Variants in THADA observed in about 807,000 individuals in gnomAD.
THADA encodes THADA armadillo repeat containing, also known as tRNA (32-2'-O)-methyltransferase regulator THADA.
In THADA, 213 loss-of-function variants were observed where a neutral mutation model predicts 219.8. The observed-to-expected ratio is 0.97, with a 90% confidence interval of 0.87 to 1.09. THADA has a LOEUF of 1.09. THADA is among the 50% of genes least tolerant of loss of function. The probability of loss-of-function intolerance (pLI) is 0.00; values close to 1 mark genes in which losing one functional copy is unlikely to be tolerated. For synonymous variants in THADA, 1,018 were observed against 828.9 expected (o/e 1.23, Z -3.92); for missense variants, 2,956 against 2,311.3 (o/e 1.28, Z -5.72).
At chr2:43,461,199 G>A (rs767267192) in intron 26 of THADA, among the ~76,000 whole-genome samples, 17 of 152,270 alleles carry the variant, frequency 1.1e-4, no homozygotes, top group Admixed American at 5.2e-4. Context: ...GTCTGGGTCT[G>A]TGCTGAAAAG....
intron 29 of THADA, among the ~76,000 whole-genome samples, chr2:43,395,022 A>G (rs1173232407): frequency 1.3e-5 from 2 of 152,190 alleles, no homozygotes; most frequent in East Asian, 1.9e-4. Flanking sequence ...CCAGACACAG[A>G]GCAAAAGACC....
intron 14 of THADA, among the ~76,000 whole-genome samples, chr2:43,569,909 C>T (rs1046599623): frequency 6.6e-6 from 1 of 152,124 alleles, no homozygotes; most frequent in East Asian, 1.9e-4. Context: ...AACACAATGC[C>T]CTAAAATCCA....
intron 36 of THADA, among the ~76,000 whole-genome samples, chr2:43,248,146 TATATATATATATATATATAGAGAGAG>T (rs1232455352): frequency 1.1e-5 from 1 of 88,484 alleles, no homozygotes; most frequent in African/African-American, 4.2e-5. Flanking sequence ...TATATATATA[TATATATATATATATATATAGAGAGAG>T]AGAGAGAGAG....
chr2:43,358,669 C>T (rs1669144855), intron 29 of THADA, among the ~76,000 whole-genome samples: 1 of 152,176 alleles, frequency 6.6e-6, no homozygotes, highest in African/African-American at 2.4e-5. Flanking sequence ...TCTGGTAATG[C>T]ACGTTACTCT....
Position 43,428,186 on chromosome 2 carries a change from A to G in THADA, c.3972T>C (p.Leu1324=), listed in dbSNP as rs773378985. The stretch of plus-strand genomic sequence containing the variant: ...AAGCGTAGAGTCTCTCCAACACCAA[A>G]AGTAAGAGAAACATGCTTGGATGAC... ...PNRHPSMFLL[L]LVLERLYASP... Residue 1324 remains leucine, a synonymous_variant, in exon 28 of 38, where the codon CTT becomes CTC. Coordinates refer to ENST00000405975, the MANE Select transcript of THADA (RefSeq NM_022065.5). 4.0e-5 allele frequency: 64 copies of G among 1,607,604 alleles called. No individual in the cohort carries two copies. The highest frequency in any genetic ancestry group is 5.0e-5 in the Admixed American group (3 of 59,588).
intron 30 of THADA, among the ~76,000 whole-genome samples, chr2:43,333,704 C>T (rs909992398): frequency 6.6e-6 from 1 of 152,192 alleles, no homozygotes; most frequent in Non-Finnish European, 1.5e-5. Context: ...TAAAATGCCA[C>T]ATGATCATCT....
intron 26 of THADA, among the ~76,000 whole-genome samples, chr2:43,443,431 A>T (rs535147184): frequency 9.2e-5 from 14 of 152,364 alleles, no homozygotes; most frequent in African/African-American, 3.4e-4. Context: ...CGCTTGTCTC[A>T]CTGGTTTACA....
At chr2:43,397,648 T>C (rs1009622231) in intron 29 of THADA, among the ~76,000 whole-genome samples, 6 of 151,770 alleles carry the variant, frequency 4.0e-5, no homozygotes, top group African/African-American at 1.5e-4. Context: ...TAGCCCAGAA[T>C]GTTTTGCAGG....
intron 29 of THADA, among the ~76,000 whole-genome samples, chr2:43,358,119 C>T (rs761115646): frequency 6.6e-6 from 1 of 152,120 alleles, no homozygotes; most frequent in African/African-American, 2.4e-5. Flanking sequence ...TGGGGGAGGA[C>T]GGTGCCATTT....
At chr2:43,572,505 C>T (rs1331783731) in intron 12 of THADA, among the ~76,000 whole-genome samples, 1 of 152,216 alleles carries the variant, frequency 6.6e-6, no homozygotes, top group Non-Finnish European at 1.5e-5. Flanking sequence ...CTGCTCTGAT[C>T]AGTCTCTTCT....
intron 34 of THADA, 139 bp downstream of exon 34, chr2:43,291,557 C>T (rs952982982): frequency 1.6e-5 from 7 of 427,916 alleles, no homozygotes; most frequent in Middle Eastern, 3.2e-4. Context: ...AAAACCAGCA[C>T]GAACAATATT....
chr2:43,360,180 A>G (rs1490716439), intron 29 of THADA, among the ~76,000 whole-genome samples: 1 of 152,190 alleles, frequency 6.6e-6, no homozygotes, highest in Non-Finnish European at 1.5e-5. Flanking sequence ...CTCATGCCAT[A>G]GCACTTATCT....
At chr2:43,426,343 A>G (rs941924229) in intron 28 of THADA, among the ~76,000 whole-genome samples, 1 of 152,192 alleles carries the variant, frequency 6.6e-6, no homozygotes, top group Non-Finnish European at 1.5e-5. Context: ...CACAAATTCA[A>G]TGTTCTTAAG....
chr2:43,258,989 G>A (rs533753278), intron 36 of THADA, among the ~76,000 whole-genome samples: 8 of 152,278 alleles, frequency 5.3e-5, no homozygotes, highest in South Asian at 2.1e-4. Context: ...GTTCTGTGGT[G>A]GAAAGTGAAC....
At chr2:43,583,899 G>A (rs972077944) in intron 7 of THADA, among the ~76,000 whole-genome samples, 13 of 151,916 alleles carry the variant, frequency 8.6e-5, no homozygotes, top group African/African-American at 3.1e-4. Context: ...AAAAAACAGG[G>A]CATAGTGGCG....
chr2:43,558,439 T>C (rs1385897122), intron 16 of THADA, among the ~76,000 whole-genome samples: 1 of 152,156 alleles, frequency 6.6e-6, no homozygotes, highest in African/African-American at 2.4e-5. Flanking sequence ...TGTGTGTCTG[T>C]GAGGGTGTTG....
intron 29 of THADA, among the ~76,000 whole-genome samples, chr2:43,371,086 G>A (rs1195419960): frequency 2.0e-5 from 3 of 152,146 alleles, no homozygotes; most frequent in Non-Finnish European, 2.9e-5. Flanking sequence ...TTCAGCCTCT[G>A]GAGTTTGAGT....
chr2:43,441,837 A>C (rs1680878973), intron 26 of THADA, among the ~76,000 whole-genome samples: 1 of 152,216 alleles, frequency 6.6e-6, no homozygotes, highest in South Asian at 2.1e-4. Flanking sequence ...CTTCTCTCTC[A>C]CTTGCTACTT....
chr2:43,243,029 A>G (rs1203713510), intron 36 of THADA, among the ~76,000 whole-genome samples: 2 of 152,178 alleles, frequency 1.3e-5, no homozygotes, highest in Non-Finnish European at 2.9e-5. Flanking sequence ...GGTAGAAGTG[A>G]GAGGAGTTGG....
Sources: allele counts gnomAD v4.1 joint callset (sites outside exome capture counted in the v4.1 genomes callset), GRCh38; gene constraint gnomAD v4.1.1; transcripts MANE v1.5; gene names NCBI Gene and HGNC (gene_info 2026-07-23, HGNC 2026-07-21).